MYBPC2: variants seen among roughly 807,000 people sequenced by gnomAD.
MYBPC2 encodes myosin-binding protein C, fast-type.
A neutral mutation model predicts 137.0 loss-of-function variants in MYBPC2; 122 were observed. The observed-to-expected ratio is 0.89, with a 90% CI of 0.77 to 1.03. The LOEUF (loss-of-function observed/expected upper bound fraction) is 1.03. MYBPC2 is among the 50% of genes least tolerant of loss of function. The pLI, the probability that MYBPC2 is intolerant of heterozygous loss-of-function variation, is 0.00. For missense variants in MYBPC2, 1,500 were observed against 1,534.4 expected (o/e 0.98, Z 0.37); for synonymous variants, 626 against 612.3 (o/e 1.02, Z -0.33).
Position 50,448,367 on chromosome 19 carries a change from G to A in MYBPC2, c.1449G>A (p.Arg483=). 6.2e-7 allele frequency: 1 copy of A among 1,613,718 alleles called. No homozygotes were observed. The highest frequency in any genetic ancestry group is 8.5e-7 in the Non-Finnish European group (1 of 1,179,688). Residue 483 remains arginine (R), a synonymous_variant, in exon 13 of 28, where the codon AGG becomes AGA. Transcript: ENST00000357701. Reference sequence around the variant, plus strand: ...GGGTCGAGGTGCGGCCCAGCAAGAGGATCACCATTTCCCATGTAGGCAGGT... The same window carrying A: ...GGGTCGAGGTGCGGCCCAGCAAGAGAATCACCATTTCCCATGTAGGCAGGT... ...KNGVEVRPSK[R]ITISHVGRFH...
rs750268577 is a variant in MYBPC2, at chr19:50,464,539, G to C, written c.3415+7G>C. 1.6e-5 allele frequency: 25 copies of C among 1,597,488 alleles called. No individual in the cohort carries two copies. The highest frequency in any genetic ancestry group is 6.7e-5 in the East Asian group (3 of 44,652). The stretch of plus-strand genomic sequence containing the variant: ...TGCAAGCTGGAGGTCCGAGGTGAGG[G>C]CGTGGCCATCCCCAACACTGGCTGA... On this transcript the variant is annotated splice_region_variant and intron_variant, in intron 27 of 27. Coordinates refer to ENST00000357701, the MANE Select transcript of MYBPC2 (RefSeq NM_004533.4).
Position 50,460,191 on chromosome 19 carries a change from G to A in MYBPC2, c.2931+12G>A. 1 of 1,597,788 alleles carries A rather than the reference G, an allele frequency of 6.3e-7. No individual in the cohort carries two copies. Among genetic ancestry groups the A allele is most frequent in the Non-Finnish European group, 8.5e-7 (1 of 1,171,546 alleles). ...ACAAAAAAACCATGGTGAGAGAGCA[G>A]AGGGGGAGATGGGGAAGAGCCGGTG... On this transcript the variant is annotated intron_variant, in intron 24 of 27. Coordinates refer to ENST00000357701, the MANE Select transcript of MYBPC2 (RefSeq NM_004533.4).
At chr19:50,442,925 G>C (rs1040468210) in intron 9 of MYBPC2, among the ~76,000 whole-genome samples, 1 of 151,480 alleles carries the variant, frequency 6.6e-6, no homozygotes, top group Non-Finnish European at 1.5e-5. Context: ...TGACAGGAGC[G>C]CCCCAACACA....
At position 50,436,600 on chromosome 19, in the gene MYBPC2, C is replaced by G. The variant is rs376180741; in HGVS notation, c.346-17C>G. 1.9e-6 allele frequency: 3 copies of G among 1,609,494 alleles called. No homozygotes were observed. Among genetic ancestry groups the G allele is most frequent in the African/African-American group, 2.7e-5 (2 of 74,836 alleles). On this transcript the variant is annotated splice_polypyrimidine_tract_variant and intron_variant, in intron 4 of 27. Transcript: ENST00000357701. ...GAGGGTGGTCCCGTGCACCCACACC[C>G]CCGGCCCTGGACCCAGGTGTACACC...
intron 26 of MYBPC2, among the ~76,000 whole-genome samples, chr19:50,462,282 G>C (rs958672725): frequency 1.3e-4 from 19 of 151,684 alleles, no homozygotes; most frequent in Admixed American, 5.9e-4. Flanking sequence ...GACCTCCTGG[G>C]TTCAAGTGAT....
chr19:50,458,513 C>T (rs2039934830), intron 20 of MYBPC2, 74 bp from the exon 21 acceptor site: 1 of 1,550,276 alleles, frequency 6.5e-7, no homozygotes, highest in Admixed American at 1.9e-5. Context: ...GCGTGGGGCC[C>T]AAGTCCCCGG....
chr19:50,436,071 A>G lies in MYBPC2; in HGVS notation c.256A>G (p.Ile86Val). 1 of 1,584,730 alleles carries G rather than the reference A, an allele frequency of 6.3e-7. No homozygotes were observed. The highest frequency in any genetic ancestry group is 8.6e-7 in the Non-Finnish European group (1 of 1,165,406). Residue 86 changes from isoleucine (I) to valine (V), a missense_variant, in exon 4 of 28, where the codon ATC becomes GTC. Physicochemically the swap from Ile to Val is conservative, Grantham distance 29. Coordinates refer to ENST00000357701, the MANE Select transcript of MYBPC2 (RefSeq NM_004533.4). Reference sequence around the variant, plus strand: ...GAAGGAGCTCCCAGACAAACCGACCATCAAGTGGTTCAAGGGGAAGTGGCT... The same window carrying G: ...GAAGGAGCTCCCAGACAAACCGACCGTCAAGTGGTTCAAGGGGAAGTGGCT... ...NGKELPDKPT[I>V]KWFKGKWLEL...
Position 50,458,709 on chromosome 19 carries a change from G to A in MYBPC2, c.2461G>A (p.Glu821Lys), listed in dbSNP as rs765717786. The A allele has an allele frequency of 6.8e-6, 11 of 1,609,866 alleles. No homozygotes were observed. Among genetic ancestry groups the A allele is most frequent in the Admixed American group, 1.7e-5 (1 of 59,992 alleles). The change falls in exon 21 of 28, where the codon GAG becomes AAG. Residue 821 changes from glutamate (E) to lysine (K), a missense_variant. Glu to Lys is a moderately conservative substitution (Grantham distance 56). Coordinates refer to ENST00000357701, the MANE Select transcript of MYBPC2 (RefSeq NM_004533.4). ...VVGVNIAGRS[E>K]PATLAQPVTI... ...TGGGGTCAACATCGCGGGGCGCAGCGAGCCGGCCACCCTGGCCCAGCCGGT... is the reference window on the plus strand; with the variant it reads ...TGGGGTCAACATCGCGGGGCGCAGCAAGCCGGCCACCCTGGCCCAGCCGGT...
chr19:50,464,336 C>T lies in MYBPC2; in HGVS notation c.3229-10C>T, dbSNP rs1473019905. The T allele has an allele frequency of 6.3e-7, 1 of 1,598,332 alleles. No homozygotes were observed. The highest frequency in any genetic ancestry group is 2.3e-5 in the East Asian group (1 of 44,428). On this transcript the variant is annotated splice_polypyrimidine_tract_variant and intron_variant, in intron 26 of 27. Coordinates refer to ENST00000357701, the MANE Select transcript of MYBPC2 (RefSeq NM_004533.4). ...TCTAAGTTGGCCTCCTCTCCCTTGA[C>T]TCTCAACAGCCGAAGGTGGTCTGGA...
chr19:50,457,164 G>A (rs116383190), intron 20 of MYBPC2, among the ~76,000 whole-genome samples: 1,585 of 152,280 alleles, frequency 0.01, 21 homozygotes, highest in African/African-American at 0.035. Flanking sequence ...CAGTGACGAT[G>A]TACTCGAGAA....
At chr19:50,436,862 G>T in intron 5 of MYBPC2, 128 bp downstream of exon 5, 2 of 789,290 alleles carry the variant, frequency 2.5e-6, no homozygotes. Context: ...GGAGGAGGGA[G>T]TGCAGATTCT....
chr19:50,461,674 A>G lies in MYBPC2; in HGVS notation c.3064A>G (p.Lys1022Glu). 6.2e-7 allele frequency: 1 copy of G among 1,613,010 alleles called. No individual in the cohort carries two copies. Among genetic ancestry groups the G allele is most frequent in the Non-Finnish European group, 8.5e-7 (1 of 1,179,718 alleles). Reference sequence around the variant, plus strand: ...GCTCAGTGACTCACCTGGTGTCTCCAAGAACACGGCCCGCATCCTCAAGAC... The same window carrying G: ...GCTCAGTGACTCACCTGGTGTCTCCGAGAACACGGCCCGCATCCTCAAGAC... ...CGLSDSPGVS[K>E]NTARILKTGI... is the part of the protein sequence containing the mutation. The change falls in exon 25 of 28, where the codon AAG becomes GAG. Residue 1022 changes from lysine (K) to glutamate (E), a missense_variant. Lys to Glu is a moderately conservative substitution (Grantham distance 56, BLOSUM62 1). Coordinates refer to ENST00000357701, the MANE Select transcript of MYBPC2 (RefSeq NM_004533.4).
Position 50,437,464 on chromosome 19 carries a change from T to G in MYBPC2, c.464-9T>G. On this transcript the variant is annotated splice_polypyrimidine_tract_variant and intron_variant, in intron 5 of 27. Coordinates refer to ENST00000357701, the MANE Select transcript of MYBPC2 (RefSeq NM_004533.4). ...ACTCACCTTCCCTTCTCTCATCACC[T>G]CTCCCCAGCACCCCGTCAGGATGCC... is the stretch of plus-strand genomic sequence containing the variant. The G allele has an allele frequency of 6.2e-7, 1 of 1,609,350 alleles. No homozygotes were observed. The highest frequency in any genetic ancestry group is 8.5e-7 in the Non-Finnish European group (1 of 1,177,978).
intron 26 of MYBPC2, among the ~76,000 whole-genome samples, chr19:50,462,585 C>CTTCTTTCTTTCTTTTTTT (rs2039981625): frequency 6.6e-6 from 1 of 151,260 alleles, no homozygotes; most frequent in Admixed American, 6.6e-5. Context: ...TGCCTTTTTC[C>CTTCTTTCTTTCTTTTTTT]TTCTTTCTTT....
intron 13 of MYBPC2, 38 bp from the exon 14 acceptor site, chr19:50,450,791 A>T (rs1429648252): frequency 6.7e-7 from 1 of 1,495,082 alleles, no homozygotes; most frequent in Non-Finnish European, 9.1e-7. Flanking sequence ...TCCCATTGCA[A>T]TCTGGTTCGA....
Position 50,454,336 on chromosome 19 carries a change from C to G in MYBPC2, c.1981C>G (p.Pro661Ala). The change falls in exon 18 of 28, where the codon CCA becomes GCA. Residue 661 changes from proline to alanine, a missense_variant. Physicochemically the swap from Pro to Ala is conservative, Grantham distance 27. Coordinates refer to ENST00000357701, the MANE Select transcript of MYBPC2 (RefSeq NM_004533.4). ...GGATTGGGCCATCCTTGTCTGGGAG[C>G]CACCAATGTACGATGGGGGGAAGCC... Reference protein sequence around the residue: ...GEDWAILVWEPPMYDGGKPVT... With the variant: ...GEDWAILVWEAPMYDGGKPVT... 6.2e-7 allele frequency: 1 copy of G among 1,612,804 alleles called. No homozygotes were observed. The highest frequency in any genetic ancestry group is 8.5e-7 in the Non-Finnish European group (1 of 1,179,492).
Position 50,440,994 on chromosome 19 carries a change from C to A in MYBPC2, c.687C>A (p.Ile229=). The part of the protein sequence containing the change: ...KGAKKSEYEK[I]AFQYGITDLR... Reference sequence around the variant, plus strand: ...CAAAGAAGAGCGAGTACGAGAAAATCGCCTTCCAGTATGGCATCACCGACC... The same window carrying A: ...CAAAGAAGAGCGAGTACGAGAAAATAGCCTTCCAGTATGGCATCACCGACC... Residue 229 remains isoleucine (I), a synonymous_variant, in exon 8 of 28, where the codon ATC becomes ATA. Coordinates refer to ENST00000357701, the MANE Select transcript of MYBPC2 (RefSeq NM_004533.4). The A allele has an allele frequency of 6.2e-7, 1 of 1,612,914 alleles. No homozygotes were observed.
chr19:50,448,183 A>C, intron 12 of MYBPC2, 42 bp from the exon 13 acceptor site: 1 of 1,581,860 alleles, frequency 6.3e-7, no homozygotes. Context: ...CTGTGCACTG[A>C]CTAGAGTAGT....
chr19:50,453,097 C>A (rs1224547842), intron 16 of MYBPC2, among the ~76,000 whole-genome samples: 2 of 152,036 alleles, frequency 1.3e-5, no homozygotes, highest in Non-Finnish European at 2.9e-5. Flanking sequence ...CCTCCAAGAG[C>A]CTTCATTTTA....
Sources: allele counts gnomAD v4.1 joint callset (sites outside exome capture counted in the v4.1 genomes callset), GRCh38; gene constraint gnomAD v4.1.1; transcripts MANE v1.5; gene names NCBI Gene and HGNC (gene_info 2026-07-23, HGNC 2026-07-21).